The following HNF4G variants were observed in gnomAD, a reference collection of about 807,000 sequenced individuals.
HNF4G encodes the protein hepatocyte nuclear factor 4 gamma.
Under a neutral mutation model 50.9 loss-of-function variants are expected in HNF4G, and 21 were observed. That is an observed-to-expected ratio of 0.41 (90% confidence interval 0.29 to 0.59). The LOEUF (loss-of-function observed/expected upper bound fraction) is 0.59. HNF4G is among the 20% of genes least tolerant of loss of function. The pLI, the probability that HNF4G is intolerant of heterozygous loss-of-function variation, is 0.26. For missense variants in HNF4G, 527 were observed against 559.4 expected, an observed-to-expected ratio of 0.94 and a Z score of 0.58; for synonymous variants, 198 against 185.6, an observed-to-expected ratio of 1.07 and a Z score of -0.54.
chr8:75,464,869 G>A (rs1811931039), intron 1 of HNF4G, among the ~76,000 whole-genome samples: 1 of 152,304 alleles, frequency 6.6e-6, no homozygotes, highest in South Asian at 2.1e-4. Flanking sequence ...TCCAAGTATG[G>A]ACAGAGAATT....
chr8:75,504,253 A>G (rs1563532154), intron 2 of HNF4G, among the ~76,000 whole-genome samples: 1 of 149,274 alleles, frequency 6.7e-6, no homozygotes, highest in African/African-American at 2.6e-5. Context: ...ACACACACAC[A>G]CACACACACA....
chr8:75,419,299 G>A (rs942734182), intron 1 of HNF4G, among the ~76,000 whole-genome samples: 3 of 152,134 alleles, frequency 2.0e-5, no homozygotes, highest in Non-Finnish European at 4.4e-5. Flanking sequence ...TACTCTGCTC[G>A]GTTCAGGTCC....
At chr8:75,425,147 G>A (rs1695484679) in intron 1 of HNF4G, among the ~76,000 whole-genome samples, 2 of 151,386 alleles carry the variant, frequency 1.3e-5, no homozygotes, top group African/African-American at 4.9e-5. Context: ...GTGCAGTGGT[G>A]CAATCTCGGC....
chr8:75,422,257 G>T (rs1304921883), intron 1 of HNF4G, among the ~76,000 whole-genome samples: 1 of 152,074 alleles, frequency 6.6e-6, no homozygotes, highest in South Asian at 2.1e-4. Context: ...TCAACCAAAA[G>T]CTAGTATTTT....
intron 1 of HNF4G, among the ~76,000 whole-genome samples, chr8:75,448,769 G>A (rs1332648023): frequency 1.3e-5 from 2 of 151,902 alleles, no homozygotes; most frequent in Admixed American, 6.6e-5. Flanking sequence ...TAAAAGCAAA[G>A]TAAGAAATTA....
intron 1 of HNF4G, among the ~76,000 whole-genome samples, chr8:75,453,850 C>T (rs1425667605): frequency 6.6e-6 from 1 of 152,126 alleles, no homozygotes; most frequent in Non-Finnish European, 1.5e-5. Flanking sequence ...GTGTAATGGA[C>T]TGAATGTTCC....
intron 1 of HNF4G, among the ~76,000 whole-genome samples, chr8:75,466,646 TTC>T (rs1563517803): frequency 2.9e-5 from 1 of 35,086 alleles, no homozygotes; most frequent in African/African-American, 1.0e-4. Context: ...CTCCCTTCCC[TTC>T]CCTTCCCTTC....
At position 75,452,547 on chromosome 8, in the gene HNF4G, G is replaced by A. The variant is rs945842543; in HGVS notation, c.-143-37542G>A. Among the ~76,000 whole-genome samples, 6 of 151,964 alleles carry A rather than the reference G, an allele frequency of 3.9e-5. 1 individual carries two copies. The highest frequency in any genetic ancestry group is 9.7e-5 in the African/African-American group (4 of 41,388). ...ATCCTGGCTAACACGGCGAAACCCC[G>A]TCTCTACTAAAAATACAAAAAATTA... is the stretch of plus-strand genomic sequence containing the variant. On this transcript the variant is annotated intron_variant, in intron 1 of 10. Transcript: ENST00000354370.
rs146421598 is a variant in HNF4G, at chr8:75,456,478, T to C, written c.-143-33611T>C. On this transcript the variant is annotated intron_variant, in intron 1 of 10. Coordinates refer to the HNF4G transcript ENST00000354370. ...AAGAGTATAACTTTTCCTGTGTTATTGGATCACTTAGTTTTCATTTCAAGG... is the reference window on the plus strand; with the variant it reads ...AAGAGTATAACTTTTCCTGTGTTATCGGATCACTTAGTTTTCATTTCAAGG... 5.0e-3 allele frequency among the ~76,000 whole-genome samples: 757 copies of C among 152,272 alleles called. 3 individuals are homozygous for C. Among genetic ancestry groups the C allele is most frequent in the African/African-American group, 0.017 (715 of 41,584 alleles).
chr8:75,457,030 C>T (rs981849402), intron 1 of HNF4G, among the ~76,000 whole-genome samples: 1 of 152,170 alleles, frequency 6.6e-6, no homozygotes, highest in Non-Finnish European at 1.5e-5. Flanking sequence ...GGTGTGAGCA[C>T]CTGGCCTAAG....
Position 75,558,642 on chromosome 8 carries a change from T to C in HNF4G, c.858T>C (p.Cys286=). The part of the protein sequence containing the change: ...EIQIDDNEYA[C]LKAIVFFDPD... ...AGATTGATGACAATGAGTATGCTTG[T>C]TTAAAGGCAATTGTATTTTTTGATC... The change falls in exon 7 of 10, where the codon TGT becomes TGC. Residue 286 remains cysteine (C), a synonymous_variant. Transcript: ENST00000396423. 2 of 1,613,462 alleles carry C rather than the reference T, an allele frequency of 1.2e-6. No individual in the cohort carries two copies. Among genetic ancestry groups the C allele is most frequent in the Non-Finnish European group, 1.7e-6 (2 of 1,179,812 alleles).
At chr8:75,409,759 T>A (rs958471496) in intron 1 of HNF4G, among the ~76,000 whole-genome samples, 2 of 152,158 alleles carry the variant, frequency 1.3e-5, no homozygotes, top group African/African-American at 4.8e-5. Context: ...AGTGCTGGGA[T>A]TGTAGGAGTG....
intron 2 of HNF4G, among the ~76,000 whole-genome samples, chr8:75,523,541 TAAAC>T (rs1168549691): frequency 6.6e-6 from 1 of 152,194 alleles, no homozygotes; most frequent in African/African-American, 2.4e-5. Flanking sequence ...ACCCTAGTGA[TAAAC>T]AATAAATATA....
At chr8:75,526,081 AT>A (rs1325540178) in intron 2 of HNF4G, among the ~76,000 whole-genome samples, 1 of 151,894 alleles carries the variant, frequency 6.6e-6, no homozygotes, top group Non-Finnish European at 1.5e-5. Flanking sequence ...CAGATTCCAT[AT>A]TTATGAATTC....
chr8:75,485,980 A>T (rs540370789), intron 1 of HNF4G, among the ~76,000 whole-genome samples: 1 of 152,198 alleles, frequency 6.6e-6, no homozygotes, highest in Non-Finnish European at 1.5e-5. Context: ...TGTTGCAGAC[A>T]CTAGCTTCCC....
intron 1 of HNF4G, among the ~76,000 whole-genome samples, chr8:75,425,793 T>A (rs1321944463): frequency 6.6e-6 from 1 of 151,940 alleles, no homozygotes; most frequent in African/African-American, 2.4e-5. Context: ...TTACCAAATC[T>A]ACTGTCGATG....
chr8:75,470,747 T>TG (rs1812094487), intron 1 of HNF4G, among the ~76,000 whole-genome samples: 1 of 152,234 alleles, frequency 6.6e-6, no homozygotes, highest in Non-Finnish European at 1.5e-5. Context: ...GCAATAGTTA[T>TG]GCTATAATTC....
intron 1 of HNF4G, among the ~76,000 whole-genome samples, chr8:75,460,870 G>A (rs934882989): frequency 6.6e-6 from 1 of 152,070 alleles, no homozygotes; most frequent in African/African-American, 2.4e-5. Context: ...TAACTTTGAG[G>A]GTTTGGCAGA....
At chr8:75,433,075 C>T (rs1273355872) in intron 1 of HNF4G, among the ~76,000 whole-genome samples, 2 of 152,080 alleles carry the variant, frequency 1.3e-5, no homozygotes, top group East Asian at 1.9e-4. Context: ...GAGAACCACA[C>T]GGCCAAACTG....
Sources: allele counts gnomAD v4.1 joint callset (sites outside exome capture counted in the v4.1 genomes callset), GRCh38; gene constraint gnomAD v4.1.1; transcripts MANE v1.5; gene names NCBI Gene and HGNC (gene_info 2026-07-23, HGNC 2026-07-21).